Variants in CPQ observed in about 807,000 individuals in gnomAD.
CPQ encodes the protein carboxypeptidase Q, also known as Ser-Met dipeptidase.
In CPQ, 37 loss-of-function variants were observed where a neutral mutation model predicts 45.7. The ratio of observed to expected loss-of-function variants is 0.81; its 90% CI spans 0.62 to 1.07. CPQ has a LOEUF of 1.07. CPQ is among the 50% of genes least tolerant of loss of function. The pLI, the probability that CPQ is intolerant of heterozygous loss-of-function variation, is 0.00. For synonymous variants in CPQ, 186 were observed against 205.8 expected, an observed-to-expected ratio of 0.90 and a Z score of 0.82; for missense variants, 537 against 572.9, an observed-to-expected ratio of 0.94 and a Z score of 0.64.
At chr8:97,119,531 T>G (rs67964310) in intron 7 of CPQ, among the ~76,000 whole-genome samples, 15,339 of 151,904 alleles carry the variant, frequency 0.1, 903 homozygotes, top group South Asian at 0.13. Flanking sequence ...GAAAACAAAA[T>G]CATTGATCTC....
chr8:96,986,214 G>A (rs1307268970), intron 5 of CPQ, among the ~76,000 whole-genome samples: 1 of 152,144 alleles, frequency 6.6e-6, no homozygotes, highest in South Asian at 2.1e-4. Flanking sequence ...GCTTTTAGAG[G>A]ATGTTGCTTG....
At position 96,779,663 on chromosome 8, in the gene CPQ, GTTAA is replaced by G. The variant is rs372590206; in HGVS notation, c.-34-5195_-34-5192del. Among the ~76,000 whole-genome samples the G allele has an allele frequency of 3.6e-5, 5 of 139,788 alleles. No homozygotes were observed. In the East Asian group the frequency reaches 5.8e-4, roughly 16 times the overall value. The allele number at this position is 139,788 out of a possible 152,430, so 91.7% of individuals were successfully genotyped here. A position where few individuals can be genotyped will look rare whatever the true frequency, so the allele number is the denominator to read the frequency against. ...ATCACTAGAAATGTATTGTGAAATAGTTAATTAATGTTTGCAGAATGCTTAGAGA... is the reference window on the plus strand; with the variant it reads ...ATCACTAGAAATGTATTGTGAAATAGTTAATGTTTGCAGAATGCTTAGAGA... On this transcript the variant is annotated intron_variant, in intron 1 of 7. Transcript: ENST00000220763.
intron 1 of CPQ, among the ~76,000 whole-genome samples, chr8:96,724,507 ACAC>A (rs1314487678): frequency 2.0e-5 from 3 of 151,724 alleles, no homozygotes; most frequent in Non-Finnish European, 4.4e-5. Context: ...ACACACACAC[ACAC>A]ACACACACAC....
At chr8:97,007,661 G>A (rs1465060017) in intron 5 of CPQ, among the ~76,000 whole-genome samples, 1 of 152,178 alleles carries the variant, frequency 6.6e-6, no homozygotes, top group Non-Finnish European at 1.5e-5. Flanking sequence ...GGAAAACACA[G>A]GCAGCCAGAA....
intron 1 of CPQ, among the ~76,000 whole-genome samples, chr8:96,749,428 C>G (rs1484353789): frequency 2.0e-5 from 3 of 152,158 alleles, no homozygotes; most frequent in Non-Finnish European, 4.4e-5. Flanking sequence ...GGTTCTGTCT[C>G]AAATCTGGAT....
chr8:96,836,171 A>T (rs1276163103), intron 3 of CPQ, among the ~76,000 whole-genome samples: 1 of 152,164 alleles, frequency 6.6e-6, no homozygotes, highest in African/African-American at 2.4e-5. Context: ...TTTAATATCT[A>T]TTGGAAAGGG....
In CPQ at chr8:97,029,240, C is replaced by T. The variant is rs188111825; in HGVS notation, c.962-163C>T. On this transcript the variant is annotated intron_variant, in intron 5 of 7. Coordinates refer to ENST00000220763, the MANE Select transcript of CPQ (RefSeq NM_016134.4). ...CTGGAGATCAGCCCTGAAGTTGCTC[C>T]TTTGCTGTGCTGGCCATACCCTGAA... Among the ~76,000 whole-genome samples, 417 of 152,284 alleles carry T rather than the reference C, an allele frequency of 2.7e-3. 5 individuals carry two copies. The highest frequency in any genetic ancestry group is 9.6e-3 in the African/African-American group (401 of 41,558).
intron 1 of CPQ, among the ~76,000 whole-genome samples, chr8:96,652,153 C>T (rs1815584287): frequency 6.6e-6 from 1 of 152,204 alleles, no homozygotes; most frequent in East Asian, 1.9e-4. Context: ...CTTTGGTAAG[C>T]ACCATTCTAC....
At chr8:96,994,111 G>A (rs568999160) in intron 5 of CPQ, among the ~76,000 whole-genome samples, 7 of 152,222 alleles carry the variant, frequency 4.6e-5, no homozygotes, top group South Asian at 2.1e-4. Context: ...AATCTTGGTC[G>A]TCTGAGTCAC....
rs1007386592 is a variant in CPQ, at chr8:96,946,207, C to T, written c.850-19728C>T. On this transcript the variant is annotated intron_variant, in intron 4 of 7. Coordinates refer to ENST00000220763, the MANE Select transcript of CPQ (RefSeq NM_016134.4). Reference sequence around the variant, plus strand: ...AGAAAGATAGATTTTTTTTCAAAAACGACTCTTCCCTTTTAGTTCCATTCC... The same window carrying T: ...AGAAAGATAGATTTTTTTTCAAAAATGACTCTTCCCTTTTAGTTCCATTCC... Among the ~76,000 whole-genome samples, 16 of 152,050 alleles carry T rather than the reference C, an allele frequency of 1.1e-4. 1 individual carries two copies. The highest frequency in any genetic ancestry group is 6.2e-4 in the South Asian group (3 of 4,830).
intron 7 of CPQ, among the ~76,000 whole-genome samples, chr8:97,076,139 C>T (rs1421772231): frequency 6.6e-6 from 1 of 152,118 alleles, no homozygotes; most frequent in Non-Finnish European, 1.5e-5. Flanking sequence ...GATCCTCCTG[C>T]CTCAGCCTCC....
At chr8:97,123,155 A>T (rs1360565757) in intron 7 of CPQ, among the ~76,000 whole-genome samples, 1 of 123,642 alleles carries the variant, frequency 8.1e-6, no homozygotes, top group East Asian at 2.8e-4. Context: ...AAATAAATAA[A>T]ATAAAATAAA....
chr8:96,705,401 G>A (rs1018960038), intron 1 of CPQ, among the ~76,000 whole-genome samples: 7 of 152,120 alleles, frequency 4.6e-5, no homozygotes, highest in African/African-American at 7.2e-5. Context: ...GAGCAAGAGC[G>A]GAAAGCAGAT....
intron 1 of CPQ, among the ~76,000 whole-genome samples, chr8:96,719,204 C>T (rs899834732): frequency 3.9e-5 from 6 of 152,202 alleles, no homozygotes; most frequent in African/African-American, 7.2e-5. Context: ...TCAGGCATGG[C>T]GGGCTGCAGG....
chr8:96,995,646 G>A (rs1222271916), intron 5 of CPQ, among the ~76,000 whole-genome samples: 1 of 150,920 alleles, frequency 6.6e-6, no homozygotes, highest in East Asian at 1.9e-4. Flanking sequence ...CTGAAATTTA[G>A]ACTTGTGAGG....
At chr8:96,693,975 G>A (rs547329809) in intron 1 of CPQ, among the ~76,000 whole-genome samples, 3 of 152,118 alleles carry the variant, frequency 2.0e-5, no homozygotes, top group Admixed American at 1.3e-4. Flanking sequence ...GCAGGGAGAC[G>A]AAGTAAAAGT....
chr8:96,750,838 C>T (rs1174107076), intron 1 of CPQ, among the ~76,000 whole-genome samples: 1 of 152,062 alleles, frequency 6.6e-6, no homozygotes, highest in Non-Finnish European at 1.5e-5. Flanking sequence ...CCAGTGTGTC[C>T]ATGTGCTCTC....
rs531482276 is a variant in CPQ at position 97,113,598 on chromosome 8, T to C, written c.1256-29422T>C. 6.6e-5 allele frequency among the ~76,000 whole-genome samples: 10 copies of C among 152,244 alleles called. No individual in the cohort carries two copies. In the South Asian group the frequency reaches 1.9e-3, roughly 28 times the overall value. On this transcript the variant is annotated intron_variant, in intron 7 of 7. Coordinates refer to ENST00000220763, the MANE Select transcript of CPQ (RefSeq NM_016134.4). ...TAGTGAGCAGGTTCTGGAGCAAACC[T>C]CTGTGGTGCATTCCCAGTTGAGGGT...
intron 4 of CPQ, among the ~76,000 whole-genome samples, chr8:96,911,023 T>G (rs959727186): frequency 1.3e-5 from 2 of 152,026 alleles, no homozygotes; most frequent in African/African-American, 2.4e-5. Context: ...ATCGATATTA[T>G]TATCTATAAT....
Sources: gnomAD v4.1 joint callset for allele counts (sites outside exome capture counted in the v4.1 genomes callset) on GRCh38, gnomAD v4.1.1 for gene constraint, MANE v1.5 for transcripts, NCBI Gene and HGNC (gene_info 2026-07-23, HGNC 2026-07-21) for gene names.